The following KCNH7 variants were observed in gnomAD, a reference collection of about 807,000 sequenced individuals.
KCNH7 encodes voltage-gated inwardly rectifying potassium channel KCNH7.
KCNH7 carries 49 observed loss-of-function variants against 120.8 expected under a neutral mutation model. The ratio of observed to expected loss-of-function variants is 0.41; its 90% CI spans 0.32 to 0.51. The LOEUF (loss-of-function observed/expected upper bound fraction) is 0.51. Among genes scored for constraint, KCNH7 ranks in the 20% least tolerant of loss-of-function variants. KCNH7 has a pLI of 0.38. For synonymous variants in KCNH7, 547 were observed against 516.1 expected (o/e 1.06, Z -0.81); for missense variants, 1,097 against 1,446.6 (o/e 0.76, Z 3.92).
chr2:162,636,215 G>A (rs374254095), intron 2 of KCNH7, among the ~76,000 whole-genome samples: 1 of 152,028 alleles, frequency 6.6e-6, no homozygotes, highest in South Asian at 2.1e-4. Flanking sequence ...TCAAATCAGG[G>A]TAAATTAGAA....
intron 2 of KCNH7, among the ~76,000 whole-genome samples, chr2:162,752,937 AG>A: frequency 1.1e-5 from 1 of 94,654 alleles, no homozygotes; most frequent in Non-Finnish European, 1.9e-5. Flanking sequence ...AGAAAAGAAA[AG>A]AAAAGAAAAG....
intron 12 of KCNH7, among the ~76,000 whole-genome samples, chr2:162,391,861 G>A (rs961714791): frequency 6.6e-6 from 1 of 151,934 alleles, no homozygotes; most frequent in African/African-American, 2.4e-5. Flanking sequence ...CAGGATAAGG[G>A]ATTTAGATTA....
intron 2 of KCNH7, among the ~76,000 whole-genome samples, chr2:162,763,188 A>G (rs1219390879): frequency 6.6e-6 from 1 of 152,136 alleles, no homozygotes; most frequent in African/African-American, 2.4e-5. Context: ...TTCATAAATG[A>G]ATGTATGCTC....
intron 9 of KCNH7, among the ~76,000 whole-genome samples, chr2:162,405,806 G>C (rs113738107): frequency 1.3e-3 from 190 of 151,948 alleles, no homozygotes; most frequent in African/African-American, 4.4e-3. Context: ...TCTATTTTAT[G>C]TGTTGGAGCA....
chr2:162,420,253 C>G (rs1425267213), intron 9 of KCNH7, among the ~76,000 whole-genome samples: 11 of 151,966 alleles, frequency 7.2e-5, no homozygotes, highest in Admixed American at 2.0e-4. Flanking sequence ...GCATGTGCCT[C>G]TAATCCCAGC....
At chr2:162,561,301 C>T (rs559995358) in intron 2 of KCNH7, among the ~76,000 whole-genome samples, 1 of 152,142 alleles carries the variant, frequency 6.6e-6, no homozygotes, top group East Asian at 1.9e-4. Flanking sequence ...GTCGTAGTTG[C>T]TGTTGTTGCT....
chr2:162,633,327 C>A (rs1413979916), intron 2 of KCNH7, among the ~76,000 whole-genome samples: 2 of 151,856 alleles, frequency 1.3e-5, no homozygotes, highest in African/African-American at 4.8e-5. Flanking sequence ...GCCTCAGCCA[C>A]CATTTAAACC....
intron 12 of KCNH7, among the ~76,000 whole-genome samples, chr2:162,388,151 G>A (rs1175582120): frequency 6.6e-6 from 1 of 151,700 alleles, no homozygotes. Flanking sequence ...AAGAGGCCTA[G>A]ATGAATACTT....
chr2:162,524,928 A>C (rs1318993579), intron 3 of KCNH7, among the ~76,000 whole-genome samples: 1 of 151,970 alleles, frequency 6.6e-6, no homozygotes, highest in Non-Finnish European at 1.5e-5. Flanking sequence ...GATAGCAGCT[A>C]GACCGGGAAA....
At chr2:162,773,617 A>G (rs1455642710) in intron 2 of KCNH7, among the ~76,000 whole-genome samples, 1 of 152,176 alleles carries the variant, frequency 6.6e-6, no homozygotes, top group Non-Finnish European at 1.5e-5. Flanking sequence ...AAAGCACATC[A>G]AGAAACAAAA....
intron 2 of KCNH7, among the ~76,000 whole-genome samples, chr2:162,648,686 A>T (rs935426466): frequency 1.3e-5 from 2 of 152,172 alleles, no homozygotes; most frequent in Non-Finnish European, 2.9e-5. Context: ...GCCCAGAGCC[A>T]AATCCAGGTT....
At chr2:162,444,986 T>C (rs1294072570) in intron 7 of KCNH7, among the ~76,000 whole-genome samples, 1 of 151,996 alleles carries the variant, frequency 6.6e-6, no homozygotes, top group Non-Finnish European at 1.5e-5. Flanking sequence ...GAAAGTCAGG[T>C]TGGGACTTTG....
chr2:162,513,116 TA>T (rs1000414468), intron 4 of KCNH7, among the ~76,000 whole-genome samples: 2 of 151,724 alleles, frequency 1.3e-5, no homozygotes, highest in Non-Finnish European at 2.9e-5. Context: ...AGTATGTTAA[TA>T]AGGAAAATGT....
At chr2:162,568,019 A>G (rs931930419) in intron 2 of KCNH7, among the ~76,000 whole-genome samples, 1 of 152,056 alleles carries the variant, frequency 6.6e-6, no homozygotes, top group Non-Finnish European at 1.5e-5. Context: ...TATAAATTAA[A>G]AAGTTTTAAT....
chr2:162,534,207 A>G (rs1302127398), intron 3 of KCNH7, among the ~76,000 whole-genome samples: 1 of 151,510 alleles, frequency 6.6e-6, no homozygotes, highest in Non-Finnish European at 1.5e-5. Context: ...CAAAAAACTG[A>G]AAGAATGAAA....
intron 2 of KCNH7, among the ~76,000 whole-genome samples, chr2:162,562,864 T>C (rs759667610): frequency 1.5e-4 from 23 of 152,182 alleles, no homozygotes; most frequent in Non-Finnish European, 3.1e-4. Flanking sequence ...ATCTTTTGTA[T>C]TGGGTGCCAC....
intron 2 of KCNH7, among the ~76,000 whole-genome samples, chr2:162,828,194 C>G (rs762903342): frequency 3.9e-5 from 6 of 152,126 alleles, no homozygotes; most frequent in Admixed American, 6.5e-5. Flanking sequence ...ATAGCTCTAA[C>G]ATTGATTTTG....
intron 6 of KCNH7, among the ~76,000 whole-genome samples, chr2:162,489,961 T>C (rs1690233425): frequency 6.6e-6 from 1 of 152,234 alleles, no homozygotes; most frequent in Admixed American, 6.5e-5. Flanking sequence ...TATTTGGCAA[T>C]TCAAGATGAA....
At chr2:162,697,962 A>G (rs912181438) in intron 2 of KCNH7, among the ~76,000 whole-genome samples, 11 of 152,154 alleles carry the variant, frequency 7.2e-5, no homozygotes, top group Admixed American at 2.6e-4. Flanking sequence ...GACTTCCAAT[A>G]GTTTGAGTGT....
Sources: gnomAD v4.1 joint callset for allele counts (sites outside exome capture counted in the v4.1 genomes callset) on GRCh38, gnomAD v4.1.1 for gene constraint, MANE v1.5 for transcripts, NCBI Gene and HGNC (gene_info 2026-07-23, HGNC 2026-07-21) for gene names.